C1orf21: variants seen among roughly 807,000 people sequenced by gnomAD.
C1orf21 encodes the protein chromosome 1 open reading frame 21, also known as uncharacterized protein C1orf21.
C1orf21 carries 3 observed loss-of-function variants against 18.7 expected under a neutral mutation model. The ratio of observed to expected loss-of-function variants is 0.16; its 90% confidence interval spans 0.07 to 0.42. The LOEUF is 0.42. Ranked by LOEUF, C1orf21 falls within the 10% of genes least tolerant of loss-of-function variation. The probability of loss-of-function intolerance (pLI) is 0.99; values close to 1 mark genes in which losing one functional copy is unlikely to be tolerated. For missense variants in C1orf21, 104 were observed against 143.6 expected (o/e 0.72, Z 1.41); for synonymous variants, 41 against 46.4 (o/e 0.88, Z 0.47).
At chr1:184,495,332 C>T (rs982952159) in intron 2 of C1orf21, among the ~76,000 whole-genome samples, 27 of 152,188 alleles carry the variant, frequency 1.8e-4, no homozygotes, top group Non-Finnish European at 3.8e-4. Context: ...ATCCTCTTCA[C>T]TTGTACCCAC....
intron 1 of C1orf21, among the ~76,000 whole-genome samples, chr1:184,455,473 G>A (rs543869337): frequency 6.6e-6 from 1 of 152,226 alleles, no homozygotes; most frequent in Admixed American, 6.5e-5. Context: ...TACACTTTGA[G>A]AAACAAAGTC....
At chr1:184,614,626 T>C (rs1433780827) in intron 5 of C1orf21, among the ~76,000 whole-genome samples, 1 of 152,126 alleles carries the variant, frequency 6.6e-6, no homozygotes, top group Admixed American at 6.5e-5. Context: ...CACATTACAT[T>C]TATTGTGCAC....
intron 1 of C1orf21, among the ~76,000 whole-genome samples, chr1:184,397,083 T>A (rs572357119): frequency 6.6e-6 from 1 of 152,024 alleles, no homozygotes; most frequent in South Asian, 2.1e-4. Flanking sequence ...GTTTCAGAGG[T>A]GTGATAGAAA....
At chr1:184,529,307 A>T (rs1658424584) in intron 3 of C1orf21, among the ~76,000 whole-genome samples, 1 of 152,150 alleles carries the variant, frequency 6.6e-6, no homozygotes, top group African/African-American at 2.4e-5. Flanking sequence ...TACAAATGTG[A>T]AGTGAAAGAT....
rs552339243 is a variant in C1orf21 at position 184,519,670 on chromosome 1, C to G, written c.189+11988C>G. ...TTTCTCTCTTATTCCCTATGTGTTGCTAAAAATAAAACCACAGCATATAAA... is the reference window on the plus strand; with the variant it reads ...TTTCTCTCTTATTCCCTATGTGTTGGTAAAAATAAAACCACAGCATATAAA... On this transcript the variant is annotated intron_variant, in intron 3 of 5. Transcript: ENST00000235307. Among the ~76,000 whole-genome samples the G allele has an allele frequency of 6.8e-4, 104 of 152,206 alleles. 1 individual carries two copies. Among genetic ancestry groups the G allele is most frequent in the African/African-American group, 2.4e-3 (99 of 41,548 alleles).
chr1:184,531,476 TG>T (rs1176217868), intron 3 of C1orf21, among the ~76,000 whole-genome samples: 2 of 152,198 alleles, frequency 1.3e-5, no homozygotes, highest in African/African-American at 4.8e-5. Context: ...TATCCTGGTC[TG>T]TTCCTGTGTC....
chr1:184,607,839 A>G (rs1479821973), intron 5 of C1orf21, among the ~76,000 whole-genome samples: 1 of 152,082 alleles, frequency 6.6e-6, no homozygotes, highest in African/African-American at 2.4e-5. Context: ...AATGATAAAA[A>G]TTGTATGATA....
rs555251493 is a variant in C1orf21, at chr1:184,573,707, G to A, written c.190-17032G>A. On this transcript the variant is annotated intron_variant, in intron 3 of 5. Coordinates refer to ENST00000235307, the MANE Select transcript of C1orf21 (RefSeq NM_030806.4). ...AATATGATAAGTGGTGAATAATGTG[G>A]AGTATTGGTGGCCTGGAATTAAAAA... 3.9e-5 allele frequency among the ~76,000 whole-genome samples: 6 copies of A among 152,192 alleles called. No homozygotes were observed. The South Asian group carries it at 1.2e-3, about 32-fold the overall frequency.
intron 4 of C1orf21, 56 bp downstream of exon 4, chr1:184,590,871 T>A: frequency 1.4e-6 from 2 of 1,424,114 alleles, no homozygotes; most frequent in Non-Finnish European, 2.0e-6. Flanking sequence ...CCATGGATTC[T>A]GCATCTGTGG....
intron 1 of C1orf21, among the ~76,000 whole-genome samples, chr1:184,435,772 A>G (rs374167652): frequency 5.9e-5 from 9 of 152,244 alleles, no homozygotes; most frequent in African/African-American, 2.2e-4. Context: ...GGCAAAAGGA[A>G]AACTATCAGG....
At chr1:184,444,182 C>A (rs183283663) in intron 1 of C1orf21, among the ~76,000 whole-genome samples, 1 of 152,232 alleles carries the variant, frequency 6.6e-6, no homozygotes, top group African/African-American at 2.4e-5. Context: ...CCTCTTATCC[C>A]CAGCTTTGTA....
intron 2 of C1orf21, among the ~76,000 whole-genome samples, chr1:184,486,538 C>T (rs942733407): frequency 3.9e-5 from 6 of 152,094 alleles, no homozygotes; most frequent in Admixed American, 3.3e-4. Context: ...AGACTGGCCC[C>T]ACCTCTTCAC....
At chr1:184,548,340 T>C (rs554627009) in intron 3 of C1orf21, among the ~76,000 whole-genome samples, 1 of 151,192 alleles carries the variant, frequency 6.6e-6, no homozygotes, top group Non-Finnish European at 1.5e-5. Flanking sequence ...CTGGCAGTGG[T>C]GCCTGACCCA....
At chr1:184,594,298 A>G (rs997675679) in intron 4 of C1orf21, among the ~76,000 whole-genome samples, 1 of 152,104 alleles carries the variant, frequency 6.6e-6, no homozygotes, top group African/African-American at 2.4e-5. Flanking sequence ...TAGTAATTTA[A>G]TTTCATTTTT....
intron 3 of C1orf21, among the ~76,000 whole-genome samples, chr1:184,569,715 A>T (rs1368906243): frequency 6.6e-6 from 1 of 152,114 alleles, no homozygotes; most frequent in Non-Finnish European, 1.5e-5. Flanking sequence ...AGATAATAAA[A>T]CTTTGTACAA....
intron 1 of C1orf21, among the ~76,000 whole-genome samples, chr1:184,401,843 ATAT>A (rs1200880644): frequency 4.0e-5 from 6 of 151,590 alleles, no homozygotes; most frequent in Non-Finnish European, 5.9e-5. Context: ...AGTATCAAAA[ATAT>A]TATCAATTTC....
intron 1 of C1orf21, among the ~76,000 whole-genome samples, chr1:184,413,771 G>A (rs1000750105): frequency 2.0e-5 from 3 of 152,170 alleles, no homozygotes; most frequent in Non-Finnish European, 4.4e-5. Flanking sequence ...TACGGTCCCT[G>A]TGTGGTGGGG....
chr1:184,541,413 C>CTTCGCCAT, intron 3 of C1orf21, among the ~76,000 whole-genome samples: 1 of 152,162 alleles, frequency 6.6e-6, no homozygotes. Context: ...CCAGCCTTGA[C>CTTCGCCAT]CTCGCCATCT....
intron 1 of C1orf21, among the ~76,000 whole-genome samples, chr1:184,393,527 C>G (rs150088662): frequency 6.6e-6 from 1 of 152,290 alleles, no homozygotes; most frequent in Non-Finnish European, 1.5e-5. Context: ...GTTTAGGGAT[C>G]TTTTTGCCTT....
Sources: allele counts gnomAD v4.1 joint callset (sites outside exome capture counted in the v4.1 genomes callset), GRCh38; gene constraint gnomAD v4.1.1; transcripts MANE v1.5; gene names NCBI Gene and HGNC (gene_info 2026-07-23, HGNC 2026-07-21).